Variants in ZNF280B observed in about 807,000 individuals in gnomAD.
ZNF280B encodes zinc finger protein 280B.
A neutral mutation model predicts 38.0 loss-of-function variants in ZNF280B; 16 were observed. The observed-to-expected ratio is 0.42, with a 90% CI of 0.28 to 0.64. ZNF280B has a LOEUF of 0.64. Among genes scored for constraint, ZNF280B ranks in the 30% least tolerant of loss-of-function variants. The pLI is 0.21. For synonymous variants in ZNF280B, 253 were observed against 230.6 expected, an observed-to-expected ratio of 1.10 and a Z score of -0.88; for missense variants, 581 against 639.6, an observed-to-expected ratio of 0.91 and a Z score of 0.99.
intron 2 of ZNF280B, among the ~76,000 whole-genome samples, chr22:22,498,821 G>A (rs996344408): frequency 2.0e-4 from 15 of 74,922 alleles, no homozygotes; most frequent in East Asian, 5.1e-4. Context: ...TTTTGGAGAC[G>A]GGGTCTCGCT....
rs149423032 is a variant in ZNF280B, at chr22:22,497,836, T to C, written c.-186-3656A>G. ...ATGGCTTGGCAGTTCCTCAAAATGT[T>C]AAACATAGACTTATGATCCCACAAA... On this transcript the variant is annotated intron_variant, in intron 2 of 3. Transcript: ENST00000626650. Among the ~76,000 whole-genome samples the C allele has an allele frequency of 6.9e-3, 1,055 of 152,042 alleles. 12 individuals carry two copies. The highest frequency in any genetic ancestry group is 0.024 in the African/African-American group (987 of 41,488).
intron 3 of ZNF280B, among the ~76,000 whole-genome samples, chr22:22,490,472 A>AT (rs1352562691): frequency 6.6e-6 from 1 of 151,812 alleles, no homozygotes; most frequent in Non-Finnish European, 1.5e-5. Flanking sequence ...ATTTATTTTA[A>AT]TTTTTTAAAT....
chr22:22,489,351 G>A lies in ZNF280B; in HGVS notation c.48C>T (p.Asn16=), dbSNP rs1480452657. The change falls in exon 4 of 4, where the codon AAC becomes AAT. Residue 16 remains asparagine, a synonymous_variant. Coordinates refer to ENST00000626650, the MANE Select transcript of ZNF280B (RefSeq NM_080764.4). The stretch of plus-strand genomic sequence containing the variant: ...CATCTACTTGTTTGGTTTCTTGTAT[G>A]TTCTTCTGTGGTTCAGGCTCTTTCT... ...EEEKEPEPQK[N]IQETKQVDDE... 3.7e-6 allele frequency: 6 copies of A among 1,612,810 alleles called. No individual in the cohort carries two copies. Among genetic ancestry groups the A allele is most frequent in the Non-Finnish European group, 5.1e-6 (6 of 1,179,784 alleles).
chr22:22,502,720 C>G (rs940402117), intron 2 of ZNF280B, among the ~76,000 whole-genome samples: 1 of 151,852 alleles, frequency 6.6e-6, no homozygotes, highest in Admixed American at 6.6e-5. Context: ...CAGAATAAGG[C>G]AAATTCATAC....
upstream of ZNF280B, chr22:22,508,986 A>T (rs2061998640): frequency 6.5e-6 from 1 of 153,680 alleles, no homozygotes; most frequent in Admixed American, 6.6e-5. Context: ...GGTTCCAGGC[A>T]GTCAGGGTTC....
intron 2 of ZNF280B, among the ~76,000 whole-genome samples, chr22:22,499,546 C>T (rs1236363552): frequency 6.6e-5 from 10 of 151,964 alleles, no homozygotes; most frequent in African/African-American, 7.2e-5. Context: ...GGATTACAGG[C>T]GTGAGCCACC....
At chr22:22,501,625 C>G (rs1263280702) in intron 2 of ZNF280B, among the ~76,000 whole-genome samples, 1 of 151,664 alleles carries the variant, frequency 6.6e-6, no homozygotes, top group Non-Finnish European at 1.5e-5. Flanking sequence ...TGCCTGTAAT[C>G]CCAACACTTT....
rs966149943 is a variant in ZNF280B at position 22,485,710 on chromosome 22, A to G, written c.*2057T>C. 3 of 151,952 alleles carry G rather than the reference A, an allele frequency of 2.0e-5. No individual in the cohort carries two copies. The highest frequency in any genetic ancestry group is 7.3e-5 in the African/African-American group (3 of 41,372). 9.4% of individuals were successfully genotyped at this position (151,952 alleles called of 1,614,324 possible). A position where few individuals can be genotyped will look rare whatever the true frequency, so the allele number is the denominator to read the frequency against. On this transcript the variant is annotated 3_prime_UTR_variant, in exon 4 of 4. Coordinates refer to ENST00000626650, the MANE Select transcript of ZNF280B (RefSeq NM_080764.4). ...TTTAACTAGATTGAGGAGGGAAGAA[A>G]GGAGTGGGGAGAGATAAGGTACCTT...
Position 22,488,762 on chromosome 22 carries a change from T to C in ZNF280B, c.637A>G (p.Thr213Ala), listed in dbSNP as rs1298368472. The change falls in exon 4 of 4, where the codon ACT becomes GCT. Residue 213 changes from threonine to alanine, a missense_variant. By Grantham distance (58) the Thr-to-Ala change is moderately conservative. Transcript: ENST00000626650. ...FPSDTFHTMN[T>A]QQSTPSNNVH... Reference sequence around the variant, plus strand: ...TTATTTGAGGGTGTACTTTGCTGAGTATTCATTGTATGAAAGGTATCTGAA... The same window carrying C: ...TTATTTGAGGGTGTACTTTGCTGAGCATTCATTGTATGAAAGGTATCTGAA... 3 of 1,613,882 alleles carry C rather than the reference T, an allele frequency of 1.9e-6. No homozygotes were observed. The Admixed American group carries it at 5.0e-5, about 27-fold the overall frequency.
At chr22:22,504,329 A>G (rs1401985567) in intron 2 of ZNF280B, among the ~76,000 whole-genome samples, 5 of 150,834 alleles carry the variant, frequency 3.3e-5, no homozygotes, top group Admixed American at 6.6e-5. Flanking sequence ...GCTACTCAGG[A>G]GGCAGGAGAA....
intron 3 of ZNF280B, among the ~76,000 whole-genome samples, chr22:22,491,877 C>T (rs111541998): frequency 2.0e-5 from 3 of 151,916 alleles, no homozygotes; most frequent in Non-Finnish European, 4.4e-5. Context: ...GCAAAATGTA[C>T]GCACTAGAAA....
In ZNF280B at chr22:22,486,084, C is replaced by T. The variant is rs561567640; in HGVS notation, c.*1683G>A. 1.3e-5 allele frequency: 2 copies of T among 152,008 alleles called. No individual in the cohort carries two copies. The highest frequency in any genetic ancestry group is 2.9e-5 in the Non-Finnish European group (2 of 68,026). 9.4% of individuals were successfully genotyped at this position (152,008 alleles called of 1,614,324 possible). A position where few individuals can be genotyped will look rare whatever the true frequency, so the allele number is the denominator to read the frequency against. On this transcript the variant is annotated 3_prime_UTR_variant, in exon 4 of 4. Coordinates refer to ENST00000626650, the MANE Select transcript of ZNF280B (RefSeq NM_080764.4). ...CTTAAAACTTATTGAATTAGAGAGA[C>T]ATTTCTTGCACACTGGTGTGTGTCA... is the stretch of plus-strand genomic sequence containing the variant.
chr22:22,489,482 C>G lies in ZNF280B; in HGVS notation c.-68-16G>C. ...AAACTGCCACCTAAGTACAAACATA[C>G]ATCAGTAAGTACAGGAAAATGCATT... On this transcript the variant is annotated splice_polypyrimidine_tract_variant and intron_variant, in intron 3 of 3. Coordinates refer to ENST00000626650, the MANE Select transcript of ZNF280B (RefSeq NM_080764.4). 8.3e-7 allele frequency: 1 copy of G among 1,209,264 alleles called. No homozygotes were observed. The highest frequency in any genetic ancestry group is 1.5e-5 in the South Asian group (1 of 66,284). 74.9% of individuals were successfully genotyped at this position (1,209,264 alleles called of 1,614,324 possible).
Position 22,488,894 on chromosome 22 carries a change from G to C in ZNF280B, c.505C>G (p.Pro169Ala). ...GTGGAAAGTTGCTTTGATACACGAG[G>C]ACTTTCATTTATACCTCCTACTGAA... ...ALSVGGINES[P>A]RVSKQLSTFE... Residue 169 changes from proline (P) to alanine (A), a missense_variant, in exon 4 of 4, where the codon CCT becomes GCT. Pro to Ala is a conservative substitution (Grantham distance 27). Transcript: ENST00000626650. 6.2e-7 allele frequency: 1 copy of C among 1,613,656 alleles called. No individual in the cohort carries two copies. The highest frequency in any genetic ancestry group is 8.5e-7 in the Non-Finnish European group (1 of 1,179,956).
chr22:22,501,049 CCA>C (rs2061813576), intron 2 of ZNF280B, among the ~76,000 whole-genome samples: 1 of 130,716 alleles, frequency 7.7e-6, no homozygotes, highest in Non-Finnish European at 1.6e-5. Context: ...AAACAAAAAA[CCA>C]AAAAAACAAA....
At position 22,489,050 on chromosome 22, in the gene ZNF280B, T is replaced by C. The variant is rs1358558454; in HGVS notation, c.349A>G (p.Ile117Val). 1.9e-6 allele frequency: 3 copies of C among 1,613,762 alleles called. No individual in the cohort carries two copies. The highest frequency in any genetic ancestry group is 2.5e-6 in the Non-Finnish European group (3 of 1,179,976). The change falls in exon 4 of 4, where the codon ATT becomes GTT. Residue 117 changes from isoleucine (I) to valine (V), a missense_variant. Coordinates refer to ENST00000626650, the MANE Select transcript of ZNF280B (RefSeq NM_080764.4). ...LESRSTDSPIIIEPLSKPDYR... is the reference protein window; with the variant it reads ...LESRSTDSPIVIEPLSKPDYR... The stretch of plus-strand genomic sequence containing the variant: ...TCAGGTTTAGACAAAGGCTCAATAA[T>C]AATAGGACTATCTGTTGATCTCGAT...
intron 2 of ZNF280B, among the ~76,000 whole-genome samples, chr22:22,497,060 C>G (rs6002523): frequency 0.92 from 137,754 of 150,154 alleles, 63,205 homozygotes; most frequent in Middle Eastern, 1. Context: ...TCAGGTGATA[C>G]ACCCGCCTTA....
chr22:22,496,679 G>A (rs1473617011), intron 2 of ZNF280B, among the ~76,000 whole-genome samples: 1 of 151,748 alleles, frequency 6.6e-6, no homozygotes, highest in African/African-American at 2.4e-5. Context: ...GGTGAAGAAA[G>A]TGATAGGCAA....
chr22:22,503,635 C>G (rs2061871991), intron 2 of ZNF280B, among the ~76,000 whole-genome samples: 1 of 151,964 alleles, frequency 6.6e-6, no homozygotes, highest in African/African-American at 2.4e-5. Flanking sequence ...AGAGTGAACT[C>G]TTCTCCGATA....
Sources: gnomAD v4.1 joint callset for allele counts (sites outside exome capture counted in the v4.1 genomes callset) on GRCh38, gnomAD v4.1.1 for gene constraint, MANE v1.5 for transcripts, NCBI Gene and HGNC (gene_info 2026-07-23, HGNC 2026-07-21) for gene names.